The following TTC29 variants were observed in gnomAD, a reference collection of about 807,000 sequenced individuals.
TTC29 encodes tetratricopeptide repeat protein 29.
TTC29 carries 49 observed loss-of-function variants against 58.1 expected under a neutral mutation model. The ratio of observed to expected loss-of-function variants is 0.84; its 90% CI spans 0.67 to 1.07. The LOEUF (loss-of-function observed/expected upper bound fraction) is 1.07. Among genes scored for constraint, TTC29 ranks in the 50% least tolerant of loss-of-function variants. TTC29 has a pLI of 0.00. For synonymous variants in TTC29, 209 were observed against 196.8 expected (o/e 1.06, Z -0.52); for missense variants, 582 against 555.6 (o/e 1.05, Z -0.48).
chr4:146,895,496 C>T (rs17022079), intron 6 of TTC29, among the ~76,000 whole-genome samples: 11,638 of 152,128 alleles, frequency 0.077, 1,512 homozygotes, highest in African/African-American at 0.27. Flanking sequence ...AGGACATATC[C>T]GACTGGTGAA....
chr4:146,766,741 A>C, intron 11 of TTC29, among the ~76,000 whole-genome samples: 1 of 152,064 alleles, frequency 6.6e-6, no homozygotes, highest in African/African-American at 2.4e-5. Flanking sequence ...AGATTCAGTA[A>C]ATTGTTAAAT....
At chr4:146,719,607 C>G (rs1481687724) in intron 11 of TTC29, among the ~76,000 whole-genome samples, 2 of 152,106 alleles carry the variant, frequency 1.3e-5, no homozygotes, top group African/African-American at 4.8e-5. Flanking sequence ...AGTTGTTTGT[C>G]TATTTACTTT....
chr4:146,935,927 T>C (rs1207759834), intron 4 of TTC29, among the ~76,000 whole-genome samples: 1 of 152,210 alleles, frequency 6.6e-6, no homozygotes, highest in Non-Finnish European at 1.5e-5. Flanking sequence ...AAATCATTCA[T>C]CAATTTTCTC....
chr4:146,842,021 C>G (rs1238960339), intron 8 of TTC29, among the ~76,000 whole-genome samples: 1 of 152,098 alleles, frequency 6.6e-6, no homozygotes, highest in Non-Finnish European at 1.5e-5. Context: ...TGCCAGATGG[C>G]ATTTGGCAAT....
At chr4:146,867,443 A>C in intron 8 of TTC29, 55 bp downstream of exon 8, 1 of 898,566 alleles carries the variant, frequency 1.1e-6, no homozygotes. Flanking sequence ...AGGAAAATAA[A>C]ATAAATATAC....
chr4:146,813,194 A>C (rs1014729300), intron 10 of TTC29, among the ~76,000 whole-genome samples: 1 of 152,242 alleles, frequency 6.6e-6, no homozygotes. Flanking sequence ...TTTTCTCAGT[A>C]CTAAGGATAA....
At chr4:146,934,568 G>C (rs1265136956) in intron 4 of TTC29, among the ~76,000 whole-genome samples, 1 of 152,126 alleles carries the variant, frequency 6.6e-6, no homozygotes, top group Non-Finnish European at 1.5e-5. Flanking sequence ...GTAGCCGTTG[G>C]GTTATTGCTA....
intron 11 of TTC29, among the ~76,000 whole-genome samples, chr4:146,798,970 G>T (rs1447693608): frequency 1.3e-5 from 2 of 149,320 alleles, no homozygotes; most frequent in Non-Finnish European, 3.0e-5. Flanking sequence ...ATCATGGTCA[G>T]TTCCAGAGGA....
intron 4 of TTC29, among the ~76,000 whole-genome samples, chr4:146,933,791 C>A (rs1735533324): frequency 6.6e-6 from 1 of 152,186 alleles, no homozygotes; most frequent in African/African-American, 2.4e-5. Flanking sequence ...GATACAAAAC[C>A]CAGAAGCCTT....
At chr4:146,729,820 A>T (rs1478756020) in intron 11 of TTC29, among the ~76,000 whole-genome samples, 1 of 151,990 alleles carries the variant, frequency 6.6e-6, no homozygotes, top group Non-Finnish European at 1.5e-5. Flanking sequence ...ATCAGATCTT[A>T]TGAGAACTCA....
chr4:146,842,683 C>A (rs1429021119), intron 8 of TTC29, among the ~76,000 whole-genome samples: 1 of 152,086 alleles, frequency 6.6e-6, no homozygotes, highest in African/African-American at 2.4e-5. Flanking sequence ...CTTCCTTCCC[C>A]ACCATAAAAA....
chr4:146,863,910 GC>G (rs1730404418), intron 8 of TTC29, among the ~76,000 whole-genome samples: 1 of 152,034 alleles, frequency 6.6e-6, no homozygotes. Context: ...ATTAAATGAT[GC>G]CCATCCACAT....
At chr4:146,713,586 C>G (rs1397560658) in intron 11 of TTC29, among the ~76,000 whole-genome samples, 1 of 152,114 alleles carries the variant, frequency 6.6e-6, no homozygotes, top group Non-Finnish European at 1.5e-5. Flanking sequence ...GAGACACTTT[C>G]AAGTTTGGAT....
intron 10 of TTC29, among the ~76,000 whole-genome samples, chr4:146,818,046 C>T (rs1306936860): frequency 6.6e-6 from 1 of 152,202 alleles, no homozygotes; most frequent in Admixed American, 6.5e-5. Context: ...GTCTAAAACA[C>T]CGAAAGCAAT....
intron 6 of TTC29, among the ~76,000 whole-genome samples, chr4:146,894,213 A>C (rs1417046394): frequency 7.9e-5 from 12 of 152,148 alleles, no homozygotes; most frequent in African/African-American, 2.9e-4. Context: ...TCATGCTGCT[A>C]TAAAGACACA....
intron 11 of TTC29, among the ~76,000 whole-genome samples, chr4:146,768,963 T>C (rs1747523775): frequency 6.6e-6 from 1 of 152,060 alleles, no homozygotes; most frequent in South Asian, 2.1e-4. Flanking sequence ...TGCAAAATGC[T>C]ATTAAAACTG....
chr4:146,839,786 C>T (rs576031956), intron 8 of TTC29, among the ~76,000 whole-genome samples: 1 of 151,554 alleles, frequency 6.6e-6, no homozygotes, highest in African/African-American at 2.4e-5. Flanking sequence ...TTCCGCAATA[C>T]CTTGGCATCT....
chr4:146,792,361 A>C (rs558553757), intron 11 of TTC29, among the ~76,000 whole-genome samples: 60 of 152,330 alleles, frequency 3.9e-4, no homozygotes, highest in Non-Finnish European at 7.4e-4. Flanking sequence ...CTATAAATGG[A>C]ACAACAAAGA....
At chr4:146,809,885 C>T (rs914132333) in intron 10 of TTC29, among the ~76,000 whole-genome samples, 2 of 150,146 alleles carry the variant, frequency 1.3e-5, no homozygotes, top group African/African-American at 2.4e-5. Context: ...ACCAGAAATA[C>T]CATTTGACCC....
Sources: gnomAD v4.1 joint callset for allele counts (sites outside exome capture counted in the v4.1 genomes callset) on GRCh38, gnomAD v4.1.1 for gene constraint, MANE v1.5 for transcripts, NCBI Gene and HGNC (gene_info 2026-07-23, HGNC 2026-07-21) for gene names.